The following SKAP1 variants were observed in gnomAD, a reference collection of about 807,000 sequenced individuals.
The protein encoded by SKAP1 is src kinase-associated phosphoprotein 1.
Under a neutral mutation model 58.5 loss-of-function variants are expected in SKAP1, and 44 were observed. The ratio of observed to expected loss-of-function variants is 0.75; its 90% CI spans 0.59 to 0.97. The LOEUF is 0.97. Among genes scored for constraint, SKAP1 ranks in the 50% least tolerant of loss-of-function variants. SKAP1 has a pLI of 0.00. For missense variants in SKAP1, 390 were observed against 435.2 expected, an observed-to-expected ratio of 0.90 and a Z score of 0.92; for synonymous variants, 127 against 149.7, an observed-to-expected ratio of 0.85 and a Z score of 1.11.
intron 4 of SKAP1, among the ~76,000 whole-genome samples, chr17:48,200,664 C>T (rs1350432927): frequency 1.3e-5 from 2 of 152,140 alleles, no homozygotes; most frequent in Admixed American, 6.5e-5. Flanking sequence ...AGGCATGAGC[C>T]ACCGCGCCCG....
At chr17:48,442,188 C>T in the SKAP1 span, among the ~76,000 whole-genome samples, 20 of 152,180 alleles carry the variant, frequency 1.3e-4, no homozygotes, top group South Asian at 3.3e-3. Context: ...AACCTGAGTG[C>T]GTTGTGGCCA....
intron 4 of SKAP1, among the ~76,000 whole-genome samples, chr17:48,310,556 A>G (rs1439174540): frequency 6.6e-6 from 1 of 152,240 alleles, no homozygotes; most frequent in Non-Finnish European, 1.5e-5. Context: ...TAGAGACTGT[A>G]CATTGCTATA....
intron 4 of SKAP1, among the ~76,000 whole-genome samples, chr17:48,205,958 G>A (rs1015695275): frequency 2.0e-5 from 3 of 152,074 alleles, no homozygotes; most frequent in African/African-American, 7.2e-5. Context: ...GTGACATTGG[G>A]TCCAGAACGT....
intron 2 of SKAP1, among the ~76,000 whole-genome samples, chr17:48,367,146 T>G (rs1415808132): frequency 2.0e-5 from 3 of 152,178 alleles, no homozygotes; most frequent in Non-Finnish European, 2.9e-5. Flanking sequence ...CGAGAAGAAA[T>G]ATGATCTTAT....
rs141178864 is a variant in SKAP1 at position 48,370,122 on chromosome 17, T to C, written c.153-6308A>G. Among the ~76,000 whole-genome samples, 190 of 152,004 alleles carry C rather than the reference T, an allele frequency of 1.2e-3. 4 individuals carry two copies. Among genetic ancestry groups the C allele is most frequent in the Admixed American group, 0.012 (177 of 15,264 alleles). On this transcript the variant is annotated intron_variant, in intron 2 of 12. Transcript: ENST00000336915. Reference sequence around the variant, plus strand: ...AGGTTGCCACCCCAAATTCACAGAGTCTATAAAGAACTTAATCGGACAAGT... The same window carrying C: ...AGGTTGCCACCCCAAATTCACAGAGCCTATAAAGAACTTAATCGGACAAGT...
intron 4 of SKAP1, among the ~76,000 whole-genome samples, chr17:48,325,212 G>A (rs1261008805): frequency 1.5e-5 from 2 of 132,340 alleles, no homozygotes; most frequent in Non-Finnish European, 3.0e-5. Flanking sequence ...GCAGGCCACT[G>A]CACTGCAGCC....
chr17:48,232,736 G>T (rs1306941912), intron 4 of SKAP1, among the ~76,000 whole-genome samples: 1 of 152,102 alleles, frequency 6.6e-6, no homozygotes, highest in Non-Finnish European at 1.5e-5. Flanking sequence ...TAGGAGAAAA[G>T]GATTAATAAT....
intron 3 of SKAP1, among the ~76,000 whole-genome samples, chr17:48,357,014 T>A (rs893007433): frequency 6.6e-6 from 1 of 152,174 alleles, no homozygotes; most frequent in Non-Finnish European, 1.5e-5. Flanking sequence ...TATATATGTA[T>A]CATTTTCTTT....
chr17:48,284,244 A>T (rs2065802736), intron 4 of SKAP1, among the ~76,000 whole-genome samples: 1 of 152,242 alleles, frequency 6.6e-6, no homozygotes, highest in South Asian at 2.1e-4. Flanking sequence ...AAAGTAGGTC[A>T]CGAATAGAAC....
Position 48,361,239 on chromosome 17 carries a change from C to T in SKAP1, c.178+2550G>A, listed in dbSNP as rs541108946. The stretch of plus-strand genomic sequence containing the variant: ...TTTCTTTTTGAGACAGAGTTTTGCT[C>T]GTGTTGCCCAGGCTTGAGTGCAATG... On this transcript the variant is annotated intron_variant, in intron 3 of 12. Coordinates refer to ENST00000336915, the MANE Select transcript of SKAP1 (RefSeq NM_003726.4). 5.6e-4 allele frequency among the ~76,000 whole-genome samples: 81 copies of T among 145,328 alleles called. 1 individual carries two copies. The highest frequency in any genetic ancestry group is 1.4e-3 in the Admixed American group (20 of 14,352).
chr17:48,311,155 G>T (rs972812591), intron 4 of SKAP1, among the ~76,000 whole-genome samples: 1 of 152,084 alleles, frequency 6.6e-6, no homozygotes, highest in African/African-American at 2.4e-5. Flanking sequence ...ATCTGTTCCC[G>T]TCTCGGAGTA....
chr17:48,198,195 C>T (rs1321512318), intron 4 of SKAP1, among the ~76,000 whole-genome samples: 2 of 152,016 alleles, frequency 1.3e-5, no homozygotes, highest in East Asian at 3.8e-4. Context: ...GTGGCTCACG[C>T]CTGTAATCCT....
chr17:48,321,169 T>A (rs1035044602), intron 4 of SKAP1, among the ~76,000 whole-genome samples: 1 of 152,156 alleles, frequency 6.6e-6, no homozygotes, highest in African/African-American at 2.4e-5. Flanking sequence ...ATATGTTTTC[T>A]AATTACCCAA....
intron 1 of SKAP1, among the ~76,000 whole-genome samples, chr17:48,413,523 A>AAAAAAAAAAAAAAAAATATATATAT: frequency 1.9e-5 from 2 of 105,450 alleles, no homozygotes; most frequent in African/African-American, 8.6e-5. Context: ...TCAAAAAAAA[A>AAAAAAAAAAAAAAAAATATATATAT]ATATATATAT....
intron 2 of SKAP1, among the ~76,000 whole-genome samples, chr17:48,384,538 G>T (rs113163203): frequency 0.015 from 2,228 of 152,244 alleles, 40 homozygotes; most frequent in African/African-American, 0.047. Flanking sequence ...CCATATTTCT[G>T]CTCTAACACC....
intron 11 of SKAP1, among the ~76,000 whole-genome samples, chr17:48,161,692 T>A (rs2064071876): frequency 6.6e-6 from 1 of 152,240 alleles, no homozygotes; most frequent in South Asian, 2.1e-4. Flanking sequence ...GAATTCACTC[T>A]CTTGGCCTTA....
chr17:48,227,626 G>C (rs1005911762), intron 4 of SKAP1, among the ~76,000 whole-genome samples: 1 of 152,042 alleles, frequency 6.6e-6, no homozygotes, highest in Non-Finnish European at 1.5e-5. Context: ...AGAGAGGATT[G>C]GCATTTTGGA....
rs915644319 is a variant in SKAP1 at position 48,305,071 on chromosome 17, T to G, written c.280+40834A>C. Among the ~76,000 whole-genome samples the G allele has an allele frequency of 2.0e-5, 3 of 152,206 alleles. No homozygotes were observed. In the South Asian group the frequency reaches 6.2e-4, roughly 31 times the overall value. The stretch of plus-strand genomic sequence containing the variant: ...CCATTTTTTGTAGGTCTTAGAAGCT[T>G]AAAATGATTTTTATATTTCTAAATG... On this transcript the variant is annotated intron_variant, in intron 4 of 12. Coordinates refer to ENST00000336915, the MANE Select transcript of SKAP1 (RefSeq NM_003726.4).
At chr17:48,393,064 A>G (rs1451185150) in intron 2 of SKAP1, among the ~76,000 whole-genome samples, 2 of 152,110 alleles carry the variant, frequency 1.3e-5, no homozygotes, top group African/African-American at 2.4e-5. Context: ...TCCTGCAGTG[A>G]CCATCGTAAT....
Sources: gnomAD v4.1 joint callset for allele counts (sites outside exome capture counted in the v4.1 genomes callset) on GRCh38, gnomAD v4.1.1 for gene constraint, MANE v1.5 for transcripts, NCBI Gene and HGNC (gene_info 2026-07-23, HGNC 2026-07-21) for gene names.